DBN1: variants seen among roughly 807,000 people sequenced by gnomAD.
DBN1 encodes drebrin 1.
In DBN1, 21 loss-of-function variants were observed where a neutral mutation model predicts 83.5. That is an observed-to-expected ratio of 0.25 (90% confidence interval 0.18 to 0.36). The LOEUF is 0.36. Among genes scored for constraint, DBN1 ranks in the 10% least tolerant of loss-of-function variants. The pLI, the probability that DBN1 is intolerant of heterozygous loss-of-function variation, is 1.00. For missense variants in DBN1, 874 were observed against 935.7 expected, an observed-to-expected ratio of 0.93 and a Z score of 0.86; for synonymous variants, 381 against 384.9, an observed-to-expected ratio of 0.99 and a Z score of 0.12.
At chr5:177,465,538 T>C (rs1757384673) in intron 8 of DBN1, among the ~76,000 whole-genome samples, 2 of 152,204 alleles carry the variant, frequency 1.3e-5, no homozygotes. Context: ...ACTGAAATGG[T>C]ACATTTTATG....
Position 177,467,236 on chromosome 5 carries a change from C to T in DBN1, c.555+19G>A, listed in dbSNP as rs536566920. Reference sequence around the variant, plus strand: ...TCCATGAGGGGTGGCTCAGCCAGGCCGGGCTCAGGGTTCCATACCTTGGCC... The same window carrying T: ...TCCATGAGGGGTGGCTCAGCCAGGCTGGGCTCAGGGTTCCATACCTTGGCC... On this transcript the variant is annotated intron_variant, in intron 6 of 14. Coordinates refer to ENST00000393565, the MANE Select transcript of DBN1 (RefSeq NM_001363541.2). The surrounding 1 kb of genome is among the most constrained non-coding windows in gnomAD (Gnocchi z 9.1). The T allele has an allele frequency of 8.7e-5, 141 of 1,613,978 alleles. 1 individual carries two copies. The highest frequency in any genetic ancestry group is 6.4e-4 in the South Asian group (58 of 91,070).
Position 177,466,884 on chromosome 5 carries a change from T to A in DBN1, c.707+27A>T. ...CCGTCAGGGTGCGCCCGGGGGCCCCTGGAGCGCTCCGGGCGGGCAGGCTCA... is the reference window on the plus strand; with the variant it reads ...CCGTCAGGGTGCGCCCGGGGGCCCCAGGAGCGCTCCGGGCGGGCAGGCTCA... On this transcript the variant is annotated intron_variant, in intron 7 of 14. Coordinates refer to ENST00000393565, the MANE Select transcript of DBN1 (RefSeq NM_001363541.2). The surrounding 1 kb of genome is among the most constrained non-coding windows in gnomAD (Gnocchi z 4.8). 6.2e-7 allele frequency: 1 copy of A among 1,613,218 alleles called. No individual in the cohort carries two copies. The highest frequency in any genetic ancestry group is 8.5e-7 in the Non-Finnish European group (1 of 1,179,514).
At chr5:177,463,026 G>A (rs1757157448) in intron 8 of DBN1, among the ~76,000 whole-genome samples, 1 of 152,002 alleles carries the variant, frequency 6.6e-6, no homozygotes, top group South Asian at 2.1e-4. Context: ...AAGGACCAGA[G>A]GCAACTACCA....
At position 177,467,622 on chromosome 5, in the gene DBN1, G is replaced by C; in HGVS notation, c.336C>G (p.Val112=). Residue 112 remains valine (V), a synonymous_variant, in exon 5 of 15, where the codon GTC becomes GTG. Transcript: ENST00000393565. The surrounding 1 kb of genome is among the most constrained non-coding windows in gnomAD (Gnocchi z 9.1). Reference sequence around the variant, plus strand: ...CGCTGCTGGCGTTCACGATCACGTCGACACCCTTCCGCAAGAAGACGGCAG... The same window carrying C: ...CGCTGCTGGCGTTCACGATCACGTCCACACCCTTCCGCAAGAAGACGGCAG... ...VAKVAEFFQG[V]DVIVNASSVE... The C allele has an allele frequency of 1.3e-6, 2 of 1,572,568 alleles. No homozygotes were observed. Among genetic ancestry groups the C allele is most frequent in the Non-Finnish European group, 1.7e-6 (2 of 1,158,838 alleles).
Position 177,473,468 on chromosome 5 carries a change from C to G in DBN1, c.54G>C (p.Glu18Asp). 7.0e-7 allele frequency: 1 copy of G among 1,435,146 alleles called. No homozygotes were observed. Among genetic ancestry groups the G allele is most frequent in the African/African-American group, 1.5e-5 (1 of 67,864 alleles). The allele number at this position is 1,435,146 out of a possible 1,614,324, so 88.9% of individuals were successfully genotyped here. ...CCGCGCTCTCCTCTCGGATCACCTC[C>G]TCGTAAGCCGCCAGCAGCTCCAGGC... ...GHRLELLAAY[E>D]EVIREESAAD... is the part of the protein sequence containing the mutation. The change falls in exon 1 of 15, where the codon GAG (glutamate) becomes GAC (aspartate). Residue 18 changes from glutamate (E) to aspartate (D), a missense_variant. By Grantham distance (45) the Glu-to-Asp change is conservative. Transcript: ENST00000393565.
chr5:177,464,795 C>T (rs1403864393), intron 8 of DBN1, among the ~76,000 whole-genome samples: 3 of 151,820 alleles, frequency 2.0e-5, no homozygotes, highest in Non-Finnish European at 4.4e-5. Flanking sequence ...CAAAAATTAG[C>T]CAGGCGTGGT....
chr5:177,459,147 G>A lies in DBN1; in HGVS notation c.1215C>T (p.Val405=), dbSNP rs199917938. ...GCAGTGGTGGAGGCTGCGAGGAGGT[G>A]ACCTCATCCAGGGCCCGCTCTATCT... ...AEQIERALDE[V]TSSQPPPLPP... The change falls in exon 12 of 15, where the codon GTC becomes GTT. Residue 405 remains valine (V), a synonymous_variant. Transcript: ENST00000393565. The A allele has an allele frequency of 6.2e-7, 1 of 1,611,484 alleles. No homozygotes were observed. The highest frequency in any genetic ancestry group is 2.2e-5 in the East Asian group (1 of 44,590).
chr5:177,468,353 G>T, intron 2 of DBN1, 133 bp from the exon 3 acceptor site: 1 of 720,220 alleles, frequency 1.4e-6, no homozygotes, highest in Non-Finnish European at 2.4e-6. Flanking sequence ...TGGGGTCTGT[G>T]GGTCCCAGTT....
intron 10 of DBN1, 68 bp from the exon 11 acceptor site, chr5:177,459,808 C>A (rs1021255989): frequency 1.4e-6 from 2 of 1,390,012 alleles, no homozygotes; most frequent in East Asian, 5.6e-5. Context: ...CACCCCTGCC[C>A]GAGGCCTCTC....
At chr5:177,472,159 A>C (rs1183306183) in intron 1 of DBN1, 2 of 1,613,154 alleles carry the variant, frequency 1.2e-6, no homozygotes, top group East Asian at 4.5e-5. Context: ...CCATCCCTCC[A>C]GGCCTGGCTG....
chr5:177,464,460 A>AT (rs918517577), intron 8 of DBN1, among the ~76,000 whole-genome samples: 2 of 150,626 alleles, frequency 1.3e-5, no homozygotes, highest in African/African-American at 4.9e-5. Context: ...AAATAAAAAT[A>AT]AATAAATAAA....
At chr5:177,457,813 T>C in intron 13 of DBN1, 56 bp from the exon 14 acceptor site, 1 of 1,240,806 alleles carries the variant, frequency 8.1e-7, no homozygotes, top group Non-Finnish European at 1.2e-6. Context: ...GGGGCTGACC[T>C]ATCAGGCCTG....
At chr5:177,463,710 A>G (rs1757208269) in intron 8 of DBN1, among the ~76,000 whole-genome samples, 1 of 152,248 alleles carries the variant, frequency 6.6e-6, no homozygotes. Flanking sequence ...ATGGGACTAT[A>G]AAATAATGGT....
chr5:177,460,890 C>T (rs558047229), intron 8 of DBN1, among the ~76,000 whole-genome samples, 187 bp from the exon 9 acceptor site: 26 of 152,316 alleles, frequency 1.7e-4, no homozygotes, highest in Admixed American at 1.2e-3. Flanking sequence ...AGCAATCCTC[C>T]CACCTCAGCC....
In DBN1 at chr5:177,466,881, C is replaced by T. The variant is rs748890492; in HGVS notation, c.707+30G>A. On this transcript the variant is annotated intron_variant, in intron 7 of 14. Transcript: ENST00000393565. The surrounding 1 kb of genome is among the most constrained non-coding windows in gnomAD (Gnocchi z 4.8). ...CACCCGTCAGGGTGCGCCCGGGGGC[C>T]CCTGGAGCGCTCCGGGCGGGCAGGC... The T allele has an allele frequency of 1.9e-6, 3 of 1,613,608 alleles. No homozygotes were observed. The East Asian group carries it at 6.7e-5, about 36-fold the overall frequency.
Position 177,459,531 on chromosome 5 carries a change from G to A in DBN1, c.1093+72C>T, listed in dbSNP as rs1430072957. The A allele has an allele frequency of 7.0e-5, 99 of 1,422,284 alleles. 1 individual carries two copies. The highest frequency in any genetic ancestry group is 3.6e-4 in the Admixed American group (13 of 36,226). The allele number at this position is 1,422,284 out of a possible 1,614,324, so 88.1% of individuals were successfully genotyped here. On this transcript the variant is annotated intron_variant, in intron 11 of 14. Coordinates refer to ENST00000393565, the MANE Select transcript of DBN1 (RefSeq NM_001363541.2). ...AGAGATCAGCGGTCAGACTGGGGGA[G>A]TGAGGGCGGGGGGCTGCTGGGAAGC... is the stretch of plus-strand genomic sequence containing the variant.
rs770029000 is a variant in DBN1 at position 177,459,225 on chromosome 5, G to A, written c.1137C>T (p.Ile379=). ...TGGAGTCAGACGGGCTCCGCGTGGGGATGGGAGTGGGCGCCATCCTCCGGT... is the reference window on the plus strand; with the variant it reads ...TGGAGTCAGACGGGCTCCGCGTGGGAATGGGAGTGGGCGCCATCCTCCGGT... The part of the protein sequence containing the change: ...DSHRRMAPTP[I]PTRSPSDSST... Residue 379 remains isoleucine (I), a synonymous_variant, in exon 12 of 15, where the codon ATC becomes ATT. Transcript: ENST00000393565. The A allele has an allele frequency of 4.3e-6, 7 of 1,610,984 alleles. No homozygotes were observed. The African/African-American group carries it at 9.4e-5, about 22-fold the overall frequency.
In DBN1 at chr5:177,459,637, G is replaced by C; in HGVS notation, c.1059C>G (p.Cys353Trp). The change falls in exon 11 of 15, where the codon TGC becomes TGG. Residue 353 changes from cysteine (C) to tryptophan (W), a missense_variant. Physicochemically the swap from Cys to Trp is radical, Grantham distance 215 (BLOSUM62 -2). This residue lies in a region of DBN1 where 725 missense variants were observed against 719.7 expected (regional missense o/e 1.01). Coordinates refer to ENST00000393565, the MANE Select transcript of DBN1 (RefSeq NM_001363541.2). ...AGGAAGAGAGGTTTGGGGTGCGGTG[G>C]CAGGTGATATAGGGAAAGGGAGTCC... ...PPRTPFPYIT[C>W]HRTPNLSSSL... 1 of 1,576,176 alleles carries C rather than the reference G, an allele frequency of 6.3e-7. No homozygotes were observed. Among genetic ancestry groups the C allele is most frequent in the Non-Finnish European group, 8.6e-7 (1 of 1,161,544 alleles).
chr5:177,457,891 G>A (rs765172988), intron 13 of DBN1, 134 bp from the exon 14 acceptor site: 9 of 741,260 alleles, frequency 1.2e-5, no homozygotes, highest in African/African-American at 3.9e-5. Context: ...CCTGCCTTGG[G>A]AACAAAAGCA....
Sources: gnomAD v4.1 joint callset for allele counts (sites outside exome capture counted in the v4.1 genomes callset) on GRCh38, gnomAD v4.1.1 for gene constraint, gnomAD v4.1.1 regional missense constraint, Gnocchi (gnomAD v3.1) non-coding constraint, MANE v1.5 for transcripts, NCBI Gene and HGNC (gene_info 2026-07-23, HGNC 2026-07-21) for gene names.